Variants in GRIK1 observed in about 807,000 individuals in gnomAD.
The protein encoded by GRIK1 is glutamate ionotropic receptor kainate type subunit 1.
Under a neutral mutation model 105.7 loss-of-function variants are expected in GRIK1, and 69 were observed. That is an observed-to-expected ratio of 0.65 (90% CI 0.54 to 0.80). The LOEUF (loss-of-function observed/expected upper bound fraction) is 0.80, where lower values mean the gene tolerates loss of function less well. Among genes scored for constraint, GRIK1 ranks in the 30% least tolerant of loss-of-function variants. GRIK1 has a pLI of 0.00. For synonymous variants in GRIK1, 438 were observed against 431.3 expected, an observed-to-expected ratio of 1.02 and a Z score of -0.19; for missense variants, 1,109 against 1,167.3, an observed-to-expected ratio of 0.95 and a Z score of 0.73.
intron 16 of GRIK1, among the ~76,000 whole-genome samples, chr21:29,546,029 C>G (rs1437668681): frequency 6.6e-6 from 1 of 152,164 alleles, no homozygotes; most frequent in Admixed American, 6.5e-5. Flanking sequence ...TCTAGAGGGC[C>G]CAGGATCAGC....
At chr21:29,838,029 TA>T (rs937419264) in intron 1 of GRIK1, among the ~76,000 whole-genome samples, 4 of 152,202 alleles carry the variant, frequency 2.6e-5, no homozygotes, top group African/African-American at 9.6e-5. Context: ...TTCAAAAAGT[TA>T]AAAGTGAAAT....
chr21:29,650,426 A>G (rs1445967483), intron 6 of GRIK1, among the ~76,000 whole-genome samples: 2 of 152,256 alleles, frequency 1.3e-5, no homozygotes, highest in African/African-American at 4.8e-5. Context: ...ATTTCCTGCT[A>G]TTTTCTTCAG....
intron 5 of GRIK1, among the ~76,000 whole-genome samples, chr21:29,654,234 T>A (rs2062799865): frequency 1.3e-5 from 2 of 152,236 alleles, no homozygotes; most frequent in African/African-American, 4.8e-5. Flanking sequence ...TCATTCTCCA[T>A]GATCAGATAG....
At chr21:29,732,255 A>C (rs934169713) in intron 1 of GRIK1, among the ~76,000 whole-genome samples, 1 of 152,164 alleles carries the variant, frequency 6.6e-6, no homozygotes, top group Non-Finnish European at 1.5e-5. Context: ...ATAGGCATGG[A>C]AGTTTGGGAG....
rs80255595 is a variant in GRIK1, at chr21:29,645,677, C to T, written c.955-2708G>A. Among the ~76,000 whole-genome samples the T allele has an allele frequency of 2.0e-5, 3 of 152,192 alleles. No homozygotes were observed. In the East Asian group the frequency reaches 5.8e-4, roughly 29 times the overall value. On this transcript the variant is annotated intron_variant, in intron 6 of 17. Coordinates refer to ENST00000327783, the MANE Select transcript of GRIK1 (RefSeq NM_001330994.2). ...CACTAATAAACTACCACTGATTTTC[C>T]TCCCCCTTTCAGTTTTGTGCTCGAG...
chr21:29,834,404 T>C (rs1209995012), intron 1 of GRIK1, among the ~76,000 whole-genome samples: 2 of 150,816 alleles, frequency 1.3e-5, no homozygotes, highest in African/African-American at 2.4e-5. Context: ...AGATTATTCT[T>C]CTGCACTATA....
intron 4 of GRIK1, among the ~76,000 whole-genome samples, chr21:29,658,790 G>C (rs2146591097): frequency 6.6e-6 from 1 of 152,274 alleles, no homozygotes. Flanking sequence ...GCATTTCCTA[G>C]TCCCTTGGGC....
chr21:29,924,334 CA>C (rs1226055845), intron 1 of GRIK1, among the ~76,000 whole-genome samples: 231 of 79,784 alleles, frequency 2.9e-3, no homozygotes, highest in South Asian at 5.4e-3. Flanking sequence ...GAGACTGGCT[CA>C]AAAAAAAAAA....
intron 1 of GRIK1, among the ~76,000 whole-genome samples, chr21:29,813,909 C>T (rs1254555800): frequency 1.4e-5 from 2 of 144,160 alleles, no homozygotes; most frequent in African/African-American, 5.0e-5. Context: ...CCCCAAGAAA[C>T]ATTCTTTTTT....
intron 1 of GRIK1, among the ~76,000 whole-genome samples, chr21:29,717,648 AC>A: frequency 6.6e-6 from 1 of 152,316 alleles, no homozygotes; most frequent in African/African-American, 2.4e-5. Context: ...CCCCAATTGT[AC>A]CTAGGAAACA....
intron 1 of GRIK1, among the ~76,000 whole-genome samples, chr21:29,785,232 C>T (rs1480228913): frequency 2.6e-5 from 4 of 152,140 alleles, no homozygotes; most frequent in Non-Finnish European, 5.9e-5. Flanking sequence ...TAATGCCATG[C>T]TTAAGTTGAA....
chr21:29,621,705 A>T (rs999887138), intron 7 of GRIK1, among the ~76,000 whole-genome samples: 1 of 152,194 alleles, frequency 6.6e-6, no homozygotes, highest in African/African-American at 2.4e-5. Context: ...CAAGACTGGT[A>T]TGAAATGGTC....
chr21:29,720,722 C>T (rs1179892724), intron 1 of GRIK1, among the ~76,000 whole-genome samples: 6 of 152,110 alleles, frequency 3.9e-5, no homozygotes, highest in Non-Finnish European at 8.8e-5. Context: ...CTGAGTGCTT[C>T]CTAAGCGTAC....
chr21:29,774,978 T>A (rs971750560), intron 1 of GRIK1, among the ~76,000 whole-genome samples: 2 of 152,168 alleles, frequency 1.3e-5, no homozygotes, highest in African/African-American at 4.8e-5. Context: ...GCTCCTCATA[T>A]ACTATCCTGG....
At chr21:29,898,649 CT>C in intron 1 of GRIK1, among the ~76,000 whole-genome samples, 1 of 152,246 alleles carries the variant, frequency 6.6e-6, no homozygotes, top group East Asian at 1.9e-4. Flanking sequence ...AATAATTAGG[CT>C]TCTTAACAAA....
At chr21:29,888,198 T>TTTCTTTCTTTCTTTCTTTTCTTC (rs1555905563) in intron 1 of GRIK1, among the ~76,000 whole-genome samples, 1 of 38,236 alleles carries the variant, frequency 2.6e-5, no homozygotes, top group Non-Finnish European at 6.2e-5. Flanking sequence ...TCTTTCTTTC[T>TTTCTTTCTTTCTTTCTTTTCTTC]CTCTCTCTCT....
At chr21:29,752,155 C>T (rs956128042) in intron 1 of GRIK1, among the ~76,000 whole-genome samples, 3 of 152,186 alleles carry the variant, frequency 2.0e-5, no homozygotes, top group African/African-American at 7.2e-5. Context: ...CTCTTATATA[C>T]TTTTGATCTC....
chr21:29,540,330 G>A (rs1440507869), intron 16 of GRIK1, among the ~76,000 whole-genome samples: 1 of 152,160 alleles, frequency 6.6e-6, no homozygotes, highest in Non-Finnish European at 1.5e-5. Flanking sequence ...AGTTTTATCA[G>A]TGGGCGGCTT....
intron 1 of GRIK1, among the ~76,000 whole-genome samples, chr21:29,865,463 T>C (rs957513598): frequency 3.9e-5 from 6 of 152,340 alleles, no homozygotes; most frequent in African/African-American, 1.2e-4. Context: ...GGCTTCAACT[T>C]GAGAAGTAAT....
Sources: allele counts gnomAD v4.1 joint callset (sites outside exome capture counted in the v4.1 genomes callset), GRCh38; gene constraint gnomAD v4.1.1; transcripts MANE v1.5; gene names NCBI Gene and HGNC (gene_info 2026-07-23, HGNC 2026-07-21).